NAALADL2: variants seen among roughly 807,000 people sequenced by gnomAD.
NAALADL2 encodes the protein inactive N-acetylated-alpha-linked acidic dipeptidase-like protein 2.
Under a neutral mutation model 87.2 loss-of-function variants are expected in NAALADL2, and 76 were observed. That is an observed-to-expected ratio of 0.87 (90% CI 0.72 to 1.05). The LOEUF (loss-of-function observed/expected upper bound fraction) is 1.05, where lower values mean the gene tolerates loss of function less well. NAALADL2 is among the 50% of genes least tolerant of loss of function. The probability of loss-of-function intolerance (pLI) is 0.00; values close to 1 mark genes in which losing one functional copy is unlikely to be tolerated. For missense variants in NAALADL2, 1,089 were observed against 945.8 expected (o/e 1.15, Z -1.99); for synonymous variants, 354 against 331.0 (o/e 1.07, Z -0.75).
At chr3:175,649,548 G>A (rs779879966) in intron 11 of NAALADL2, among the ~76,000 whole-genome samples, 12 of 152,166 alleles carry the variant, frequency 7.9e-5, no homozygotes, top group Non-Finnish European at 1.3e-4. Context: ...GGTGCCAGGA[G>A]GGTTGGTATC....
intron 3 of NAALADL2, among the ~76,000 whole-genome samples, chr3:174,756,433 G>C (rs960824251): frequency 1.3e-5 from 2 of 151,996 alleles, no homozygotes; most frequent in African/African-American, 4.8e-5. Context: ...CCATCTACTG[G>C]AATAATTATA....
chr3:174,787,594 T>TAG, intron 3 of NAALADL2, among the ~76,000 whole-genome samples: 1 of 65,910 alleles, frequency 1.5e-5, no homozygotes, highest in South Asian at 5.8e-4. Flanking sequence ...TATATATATA[T>TAG]ATATATATAT....
intron 2 of NAALADL2, among the ~76,000 whole-genome samples, chr3:174,693,763 A>G (rs1024493370): frequency 6.6e-6 from 1 of 152,124 alleles, no homozygotes. Context: ...TTAATGTGGC[A>G]TGGATAACAA....
intron 1 of NAALADL2, among the ~76,000 whole-genome samples, chr3:174,481,576 G>A (rs1449744960): frequency 6.6e-6 from 1 of 152,036 alleles, no homozygotes; most frequent in East Asian, 1.9e-4. Flanking sequence ...GCCTGCGTTG[G>A]GGGCCCCTAA....
At chr3:175,252,218 A>C (rs187787109) in intron 3 of NAALADL2, among the ~76,000 whole-genome samples, 313 of 152,296 alleles carry the variant, frequency 2.1e-3, no homozygotes, top group African/African-American at 7.4e-3. Context: ...CCCTGCATTT[A>C]GCAAGTCTGT....
At chr3:175,442,579 T>A (rs1247392336) in intron 5 of NAALADL2, among the ~76,000 whole-genome samples, 1 of 152,204 alleles carries the variant, frequency 6.6e-6, no homozygotes, top group Non-Finnish European at 1.5e-5. Flanking sequence ...TGAAATTATT[T>A]ATTTGTAACA....
At chr3:175,174,122 A>G (rs979139047) in intron 2 of NAALADL2, among the ~76,000 whole-genome samples, 1 of 152,236 alleles carries the variant, frequency 6.6e-6, no homozygotes, top group Non-Finnish European at 1.5e-5. Flanking sequence ...TCTCACAAAC[A>G]TATATAACAC....
At chr3:175,330,458 G>A (rs937599462) in intron 5 of NAALADL2, among the ~76,000 whole-genome samples, 1 of 151,048 alleles carries the variant, frequency 6.6e-6, no homozygotes, top group Non-Finnish European at 1.5e-5. Flanking sequence ...AAAAAAAATT[G>A]AAATCATATC....
At chr3:175,346,801 T>G (rs1763200889) in intron 5 of NAALADL2, among the ~76,000 whole-genome samples, 1 of 152,200 alleles carries the variant, frequency 6.6e-6, no homozygotes, top group African/African-American at 2.4e-5. Flanking sequence ...AAGCAGAAAC[T>G]GTGTTCCTTG....
chr3:175,700,739 A>G (rs901316446), intron 11 of NAALADL2, among the ~76,000 whole-genome samples: 1 of 152,174 alleles, frequency 6.6e-6, no homozygotes, highest in Non-Finnish European at 1.5e-5. Flanking sequence ...TCTGTTTTTC[A>G]TCATCCTTTC....
rs138276430 is a variant in NAALADL2, at chr3:175,598,114, A to C, written c.1800+21927A>C. ...TAAAACCATCAATCTTGTTAGTTTCATGCTCTTTGCTACTAATTATTTTAT... is the reference window on the plus strand; with the variant it reads ...TAAAACCATCAATCTTGTTAGTTTCCTGCTCTTTGCTACTAATTATTTTAT... On this transcript the variant is annotated intron_variant, in intron 10 of 13. Transcript: ENST00000454872. Among the ~76,000 whole-genome samples, 61 of 152,136 alleles carry C rather than the reference A, an allele frequency of 4.0e-4. 1 individual carries two copies. The highest frequency in any genetic ancestry group is 1.5e-3 in the African/African-American group (61 of 41,552).
chr3:175,670,874 G>A (rs992262063), intron 11 of NAALADL2, among the ~76,000 whole-genome samples: 6 of 151,094 alleles, frequency 4.0e-5, no homozygotes, highest in African/African-American at 1.5e-4. Context: ...CAACTCAAAC[G>A]AAAAATATTT....
At chr3:175,511,747 A>C (rs183933997) in intron 9 of NAALADL2, among the ~76,000 whole-genome samples, 2 of 152,326 alleles carry the variant, frequency 1.3e-5, no homozygotes, top group Admixed American at 1.3e-4. Context: ...CAGAGCCATA[A>C]ACATGCCAAT....
At chr3:174,631,682 T>C (rs1017130311) in intron 2 of NAALADL2, 4 of 152,222 alleles carry the variant, frequency 2.6e-5, no homozygotes, top group Non-Finnish European at 4.4e-5. Flanking sequence ...CTATTAAGTT[T>C]ATGTTGTATG....
intron 3 of NAALADL2, among the ~76,000 whole-genome samples, chr3:175,238,224 A>G (rs1465184639): frequency 6.6e-6 from 1 of 152,166 alleles, no homozygotes; most frequent in Non-Finnish European, 1.5e-5. Flanking sequence ...CTAAGTCCTT[A>G]TTTAGTATCC....
chr3:175,231,324 A>G (rs1261602772), intron 2 of NAALADL2, among the ~76,000 whole-genome samples: 3 of 151,794 alleles, frequency 2.0e-5, no homozygotes, highest in Non-Finnish European at 2.9e-5. Context: ...TCCTTTCACT[A>G]CTCTTTATAC....
At chr3:175,497,680 A>G (rs145314371) in intron 9 of NAALADL2, among the ~76,000 whole-genome samples, 10 of 151,858 alleles carry the variant, frequency 6.6e-5, no homozygotes, top group African/African-American at 2.4e-4. Flanking sequence ...CTTTGGGTGG[A>G]TTTTGTGAAA....
chr3:175,250,196 G>C (rs1004211583), intron 3 of NAALADL2, among the ~76,000 whole-genome samples: 1 of 149,674 alleles, frequency 6.7e-6, no homozygotes, highest in Non-Finnish European at 1.5e-5. Flanking sequence ...AGAGCGATTA[G>C]TATTCTTATA....
chr3:175,160,131 G>T (rs1732932433), intron 2 of NAALADL2, among the ~76,000 whole-genome samples: 1 of 151,170 alleles, frequency 6.6e-6, no homozygotes, highest in African/African-American at 2.4e-5. Flanking sequence ...GAGTCACTTT[G>T]TCAGGCCGCA....
Sources: allele counts gnomAD v4.1 joint callset (sites outside exome capture counted in the v4.1 genomes callset), GRCh38; gene constraint gnomAD v4.1.1; transcripts MANE v1.5; gene names NCBI Gene and HGNC (gene_info 2026-07-23, HGNC 2026-07-21).